The following ITPKB variants were observed in gnomAD, a reference collection of about 807,000 sequenced individuals.
ITPKB encodes the protein IP3 3-kinase B.
In ITPKB, 13 loss-of-function variants were observed where a neutral mutation model predicts 69.4. The ratio of observed to expected loss-of-function variants is 0.19; its 90% CI spans 0.12 to 0.30. ITPKB has a LOEUF of 0.30. ITPKB is among the 10% of genes least tolerant of loss of function. The pLI is 1.00. For synonymous variants in ITPKB, 584 were observed against 513.7 expected (o/e 1.14, Z -1.85); for missense variants, 1,240 against 1,250.5 (o/e 0.99, Z 0.13).
chr1:226,647,040 G>A, intron 4 of ITPKB, 127 bp downstream of exon 4: 1 of 754,624 alleles, frequency 1.3e-6, no homozygotes. Context: ...GCTCTAATTG[G>A]TCCAACAGCC....
At chr1:226,643,942 G>A (rs936393254) in intron 4 of ITPKB, among the ~76,000 whole-genome samples, 8 of 152,238 alleles carry the variant, frequency 5.3e-5, no homozygotes, top group African/African-American at 1.9e-4. Context: ...CAGTGGTGAC[G>A]GGGGCATTGA....
chr1:226,642,006 C>T lies in ITPKB; in HGVS notation c.2366G>A (p.Arg789Gln), dbSNP rs1189038655. 6 of 1,614,216 alleles carry T rather than the reference C, an allele frequency of 3.7e-6. No homozygotes were observed. Among genetic ancestry groups the T allele is most frequent in the Non-Finnish European group, 5.1e-6 (6 of 1,180,040 alleles). Residue 789 changes from arginine to glutamine, a missense_variant, in exon 5 of 8, where the codon CGG becomes CAG. This residue lies in a region of ITPKB where 248 missense variants were observed against 396.7 expected (regional missense o/e 0.63). Coordinates refer to ENST00000429204, the MANE Select transcript of ITPKB (RefSeq NM_002221.4). This position sits in a 1 kb window ranked among gnomAD's most constrained non-coding sequence, Gnocchi z 6.4. ...EAPTEEEKAQRAVTKPRYMQW... is the reference protein window; with the variant it reads ...EAPTEEEKAQQAVTKPRYMQW... ...CATGTACCGTGGCTTGGTCACAGCC[C>T]GCTGTGCTTTTTCCTCCTCGGTGGG...
At chr1:226,657,083 G>A (rs185856261) in intron 2 of ITPKB, 1 of 152,252 alleles carries the variant, frequency 6.6e-6, no homozygotes, top group African/African-American at 2.4e-5. Context: ...TGCTTACAAA[G>A]CTTCCCGTCC....
chr1:226,683,346 T>C (rs1656129555), intron 2 of ITPKB, among the ~76,000 whole-genome samples: 1 of 152,238 alleles, frequency 6.6e-6, no homozygotes, highest in Non-Finnish European at 1.5e-5. Flanking sequence ...TTCTCATCCA[T>C]TATTTCTTAT....
At position 226,641,650 on chromosome 1, in the gene ITPKB, C is replaced by A. The variant is rs1668964456; in HGVS notation, c.2451+271G>T. The stretch of plus-strand genomic sequence containing the variant: ...CTCTCGCCTGGCTTTCGGTGCCAGG[C>A]ACCGTCTGGGCTAAATGGAGAGTCC... On this transcript the variant is annotated intron_variant, in intron 5 of 7. Coordinates refer to ENST00000429204, the MANE Select transcript of ITPKB (RefSeq NM_002221.4). The surrounding 1 kb of genome is among the most constrained non-coding windows in gnomAD (Gnocchi z 4.6). Among the ~76,000 whole-genome samples the A allele has an allele frequency of 6.6e-6, 1 of 152,248 alleles. No individual in the cohort carries two copies. Among genetic ancestry groups the A allele is most frequent in the African/African-American group, 2.4e-5 (1 of 41,474 alleles).
At chr1:226,718,190 A>AGGCT (rs1434194514) in intron 2 of ITPKB, among the ~76,000 whole-genome samples, 8 of 151,272 alleles carry the variant, frequency 5.3e-5, no homozygotes, top group Middle Eastern at 3.4e-3. Context: ...GCTACTTGGG[A>AGGCT]GGCTGAGGCA....
chr1:226,725,622 C>A (rs1657388698), intron 2 of ITPKB, among the ~76,000 whole-genome samples: 1 of 152,216 alleles, frequency 6.6e-6, no homozygotes, highest in African/African-American at 2.4e-5. Flanking sequence ...CATGATTCAG[C>A]AGCTGGCAGC....
rs539274340 is a variant in ITPKB at position 226,686,083 on chromosome 1, G to GCCC, written c.1933-37313_1933-37312insGGG. Among the ~76,000 whole-genome samples, 1,361 of 152,140 alleles carry GCCC rather than the reference G, an allele frequency of 8.9e-3. 53 individuals are homozygous for GCCC. The highest frequency in any genetic ancestry group is 0.057 in the Admixed American group (868 of 15,218). On this transcript the variant is annotated intron_variant, in intron 2 of 7. Transcript: ENST00000429204. ...AAGGAAAGGGAATGGCAGATAAAGCGACCCCCCGCCCTAAAAGGCTTACCA... is the reference window on the plus strand; with the variant it reads ...AAGGAAAGGGAATGGCAGATAAAGCGCCCACCCCCCGCCCTAAAAGGCTTACCA...
chr1:226,688,746 C>A (rs186309424), intron 2 of ITPKB, among the ~76,000 whole-genome samples: 2 of 152,326 alleles, frequency 1.3e-5, no homozygotes, highest in Admixed American at 6.5e-5. Context: ...TCTTTGTACC[C>A]TTCTCTCTGC....
chr1:226,662,477 A>T (rs1020963700), intron 2 of ITPKB, among the ~76,000 whole-genome samples: 1 of 152,254 alleles, frequency 6.6e-6, no homozygotes, highest in Non-Finnish European at 1.5e-5. Flanking sequence ...AAACCTTAGG[A>T]TACTACTGGA....
intron 2 of ITPKB, among the ~76,000 whole-genome samples, chr1:226,728,064 T>A (rs1657475990): frequency 6.6e-6 from 1 of 152,208 alleles, no homozygotes; most frequent in South Asian, 2.1e-4. Context: ...GATGTTTTTC[T>A]ACTTATTCAA....
chr1:226,736,630 T>G lies in ITPKB; in HGVS notation c.829A>C (p.Lys277Gln), dbSNP rs2102654646. 1 of 1,613,586 alleles carries G rather than the reference T, an allele frequency of 6.2e-7. No individual in the cohort carries two copies. Among genetic ancestry groups the G allele is most frequent in the Non-Finnish European group, 8.5e-7 (1 of 1,179,998 alleles). The change falls in exon 2 of 8, where the codon AAA becomes CAA. Residue 277 changes from lysine to glutamine, a missense_variant. Coordinates refer to ENST00000429204, the MANE Select transcript of ITPKB (RefSeq NM_002221.4). ...GTTCCCGGGGTAGGAGAGCCCCTTT[T>G]GTCAATTTCCATAGCTGTGGGTGAG... ...CGSPTAMEID[K>Q]RGSPTPGTRS...
At chr1:226,643,527 C>T (rs1304490722) in intron 4 of ITPKB, among the ~76,000 whole-genome samples, 1 of 152,230 alleles carries the variant, frequency 6.6e-6, no homozygotes, top group East Asian at 1.9e-4. Context: ...CATCTGTCTC[C>T]CAGGCCTTGT....
In ITPKB at chr1:226,737,119, C is replaced by T. The variant is rs770425816; in HGVS notation, c.340G>A (p.Val114Met). ...GGCGGGGAGAGGGTACCGGCTGCCA[C>T]CACCTGCTGCCGGTCCCCTCGCAGG... ...GRLRGDRQQV[V>M]AAGTLSPPGP... The change falls in exon 2 of 8, where the codon GTG becomes ATG. Residue 114 changes from valine to methionine, a missense_variant. Coordinates refer to ENST00000429204, the MANE Select transcript of ITPKB (RefSeq NM_002221.4). 1 of 1,604,006 alleles carries T rather than the reference C, an allele frequency of 6.2e-7. No individual in the cohort carries two copies. Among genetic ancestry groups the T allele is most frequent in the South Asian group, 1.1e-5 (1 of 91,060 alleles).
chr1:226,682,512 C>T (rs970167330), intron 2 of ITPKB, among the ~76,000 whole-genome samples: 3 of 152,184 alleles, frequency 2.0e-5, no homozygotes, highest in African/African-American at 4.8e-5. Context: ...TCATTCTGAG[C>T]CTTAGTTTCC....
At chr1:226,649,918 G>C (rs1379792418) in intron 2 of ITPKB, among the ~76,000 whole-genome samples, 1 of 152,108 alleles carries the variant, frequency 6.6e-6, no homozygotes, top group Admixed American at 6.5e-5. Flanking sequence ...AGGCTGCAGA[G>C]ATGAAGATCA....
At chr1:226,687,054 C>G (rs1364909529) in intron 2 of ITPKB, among the ~76,000 whole-genome samples, 2 of 152,210 alleles carry the variant, frequency 1.3e-5, no homozygotes, top group Non-Finnish European at 1.5e-5. Context: ...CGTCCTGCCT[C>G]ACTGATGTGG....
intron 2 of ITPKB, among the ~76,000 whole-genome samples, chr1:226,675,959 A>T (rs556750739): frequency 6.6e-6 from 1 of 152,326 alleles, no homozygotes; most frequent in Admixed American, 6.5e-5. Flanking sequence ...TCAGAGGAGT[A>T]TAAGCAAGTC....
intron 2 of ITPKB, among the ~76,000 whole-genome samples, chr1:226,721,366 A>G (rs969680453): frequency 6.1e-4 from 93 of 151,760 alleles, no homozygotes; most frequent in African/African-American, 2.1e-3. Context: ...AAAAAAAAAA[A>G]AAAGAAATAA....
Sources: allele counts gnomAD v4.1 joint callset (sites outside exome capture counted in the v4.1 genomes callset), GRCh38; gene constraint gnomAD v4.1.1; regional missense constraint gnomAD v4.1.1; non-coding constraint Gnocchi (gnomAD v3.1); transcripts MANE v1.5; gene names NCBI Gene and HGNC (gene_info 2026-07-23, HGNC 2026-07-21).